SRPK2: variants seen among roughly 807,000 people sequenced by gnomAD.
The protein encoded by SRPK2 is SFRS protein kinase 2.
SRPK2 carries 21 observed loss-of-function variants against 90.8 expected under a neutral mutation model. The observed-to-expected ratio is 0.23, with a 90% CI of 0.16 to 0.33. The LOEUF (loss-of-function observed/expected upper bound fraction) is 0.33. Ranked by LOEUF, SRPK2 falls within the 10% of genes least tolerant of loss-of-function variation. The pLI, the probability that SRPK2 is intolerant of heterozygous loss-of-function variation, is 1.00. For missense variants in SRPK2, 620 were observed against 869.0 expected, an observed-to-expected ratio of 0.71 and a Z score of 3.60; for synonymous variants, 288 against 311.1, an observed-to-expected ratio of 0.93 and a Z score of 0.78.
chr7:105,195,768 T>C (rs902714433), intron 3 of SRPK2, among the ~76,000 whole-genome samples: 4 of 152,188 alleles, frequency 2.6e-5, no homozygotes, highest in African/African-American at 9.7e-5. Flanking sequence ...ATCTTCCCTT[T>C]TCTCACTTAT....
chr7:105,141,336 C>T (rs1803741080), intron 11 of SRPK2, among the ~76,000 whole-genome samples: 1 of 152,130 alleles, frequency 6.6e-6, no homozygotes, highest in African/African-American at 2.4e-5. Context: ...AGAGCTTTTC[C>T]CCCATAAGCC....
intron 2 of SRPK2, among the ~76,000 whole-genome samples, chr7:105,265,490 A>G (rs1804933891): frequency 6.6e-6 from 1 of 152,242 alleles, no homozygotes; most frequent in African/African-American, 2.4e-5. Context: ...ACACCAAGGG[A>G]CAACTGTACT....
At chr7:105,266,153 C>CG (rs1298055324) in intron 2 of SRPK2, among the ~76,000 whole-genome samples, 1 of 152,042 alleles carries the variant, frequency 6.6e-6, no homozygotes, top group Admixed American at 6.6e-5. Context: ...ATTTAGCCCC[C>CG]CAAACAACCT....
chr7:105,276,070 G>A lies in SRPK2; in HGVS notation c.72-72285C>T, dbSNP rs563276782. Among the ~76,000 whole-genome samples, 64 of 148,346 alleles carry A rather than the reference G, an allele frequency of 4.3e-4. No homozygotes were observed. The East Asian group carries it at 7.7e-3, about 18-fold the overall frequency. ...TAATTTTGTTTGGGGTGTACATGAG[G>A]AGGATATATATATATTTTTTTTTTT... is the stretch of plus-strand genomic sequence containing the variant. On this transcript the variant is annotated intron_variant, in intron 2 of 15. Transcript: ENST00000393651.
rs78264291 is a variant in SRPK2 at position 105,333,861 on chromosome 7, A to G, written c.71+54787T>C. Among the ~76,000 whole-genome samples the G allele has an allele frequency of 1.1e-3, 160 of 152,346 alleles. 1 individual carries two copies. The highest frequency in any genetic ancestry group is 3.8e-3 in the African/African-American group (156 of 41,584). On this transcript the variant is annotated intron_variant, in intron 2 of 15. Transcript: ENST00000393651. ...TTATACCATTATAACATATAAATAT[A>G]CACAGATTTCTTCCAGTCATTTATA...
intron 2 of SRPK2, among the ~76,000 whole-genome samples, chr7:105,253,495 C>G (rs1186326186): frequency 1.3e-5 from 2 of 152,138 alleles, no homozygotes; most frequent in Non-Finnish European, 1.5e-5. Flanking sequence ...CTATATACCC[C>G]TCTCATCTAT....
chr7:105,375,409 C>T (rs1388642734), intron 2 of SRPK2, among the ~76,000 whole-genome samples: 2 of 152,188 alleles, frequency 1.3e-5, no homozygotes, highest in African/African-American at 4.8e-5. Flanking sequence ...AGGCCAAGCA[C>T]ACTGGCTCAC....
At chr7:105,249,548 C>T (rs1399905578) in intron 2 of SRPK2, among the ~76,000 whole-genome samples, 2 of 151,384 alleles carry the variant, frequency 1.3e-5, no homozygotes, top group African/African-American at 2.4e-5. Flanking sequence ...ACTCTAAATG[C>T]CTGAATTTCA....
intron 2 of SRPK2, among the ~76,000 whole-genome samples, chr7:105,259,178 C>A (rs1329010696): frequency 1.3e-5 from 2 of 152,210 alleles, no homozygotes; most frequent in Non-Finnish European, 2.9e-5. Context: ...TGATAAGCAA[C>A]TTCAGCAAAG....
intron 2 of SRPK2, chr7:105,244,552 C>T (rs1208081079): frequency 3.6e-6 from 2 of 559,342 alleles, no homozygotes; most frequent in Middle Eastern, 5.0e-4. Flanking sequence ...CCCGCCTGGG[C>T]GACAGAACGA....
intron 2 of SRPK2, among the ~76,000 whole-genome samples, chr7:105,226,529 T>G (rs906277851): frequency 1.3e-5 from 2 of 152,024 alleles, no homozygotes; most frequent in Non-Finnish European, 2.9e-5. Context: ...TGACCTCAGG[T>G]GATCTGCCCA....
intron 2 of SRPK2, chr7:105,244,911 C>T: frequency 6.7e-7 from 1 of 1,484,132 alleles, no homozygotes; most frequent in South Asian, 1.2e-5. Flanking sequence ...CAAGAGGAAG[C>T]GGGAGGAGCA....
intron 2 of SRPK2, among the ~76,000 whole-genome samples, chr7:105,350,922 T>C (rs994625009): frequency 6.6e-6 from 1 of 152,194 alleles, no homozygotes; most frequent in Non-Finnish European, 1.5e-5. Context: ...AACCCTATAC[T>C]ACATTAAAGT....
At chr7:105,351,004 C>T (rs1205216321) in intron 2 of SRPK2, among the ~76,000 whole-genome samples, 1 of 152,158 alleles carries the variant, frequency 6.6e-6, no homozygotes, top group Non-Finnish European at 1.5e-5. Context: ...TTTATCCCAT[C>T]TGAAACTCAC....
At chr7:105,295,508 T>A (rs765365029) in intron 2 of SRPK2, among the ~76,000 whole-genome samples, 12 of 152,168 alleles carry the variant, frequency 7.9e-5, no homozygotes, top group Admixed American at 4.6e-4. Context: ...TGGATAAACC[T>A]TGAAAACATT....
At chr7:105,305,332 G>A (rs550957861) in intron 2 of SRPK2, among the ~76,000 whole-genome samples, 1 of 152,240 alleles carries the variant, frequency 6.6e-6, no homozygotes, top group South Asian at 2.1e-4. Context: ...TGTAATCCCA[G>A]CTACTGGGGA....
chr7:105,137,900 T>C (rs2129575861), intron 11 of SRPK2, among the ~76,000 whole-genome samples: 1 of 152,316 alleles, frequency 6.6e-6, no homozygotes, highest in South Asian at 2.1e-4. Flanking sequence ...TCTAGGCTTA[T>C]ACCCCTTCCC....
chr7:105,286,172 G>A (rs1808078820), intron 2 of SRPK2, among the ~76,000 whole-genome samples: 1 of 152,246 alleles, frequency 6.6e-6, no homozygotes, highest in Admixed American at 6.5e-5. Flanking sequence ...AAGCCACTAT[G>A]TTCTATGCAT....
chr7:105,312,437 C>CAAAAAAAAAAAAAAAAA, intron 2 of SRPK2, among the ~76,000 whole-genome samples: 1 of 84,862 alleles, frequency 1.2e-5, no homozygotes, highest in Non-Finnish European at 2.1e-5. Flanking sequence ...GAGACTCCGT[C>CAAAAAAAAAAAAAAAAA]AAAAAAAAAA....
Sources: gnomAD v4.1 joint callset for allele counts (sites outside exome capture counted in the v4.1 genomes callset) on GRCh38, gnomAD v4.1.1 for gene constraint, MANE v1.5 for transcripts, NCBI Gene and HGNC (gene_info 2026-07-23, HGNC 2026-07-21) for gene names.